Variants in ERN1 observed in about 807,000 individuals in gnomAD.
ERN1 encodes endoplasmic reticulum to nucleus signaling 1, also known as serine/threonine-protein kinase/endoribonuclease IRE1.
A neutral mutation model predicts 113.1 loss-of-function variants in ERN1; 39 were observed. The ratio of observed to expected loss-of-function variants is 0.34; its 90% confidence interval spans 0.27 to 0.45. The LOEUF (loss-of-function observed/expected upper bound fraction) is 0.45. ERN1 is among the 20% of genes least tolerant of loss of function. ERN1 has a pLI of 1.00. For synonymous variants in ERN1, 507 were observed against 515.9 expected (o/e 0.98, Z 0.23); for missense variants, 976 against 1,274.8 (o/e 0.77, Z 3.57).
chr17:64,073,100 G>A (rs748320915), intron 5 of ERN1, among the ~76,000 whole-genome samples: 2 of 151,478 alleles, frequency 1.3e-5, no homozygotes, highest in Non-Finnish European at 2.9e-5. Context: ...CAAACTCCTG[G>A]ACTCAAGTCA....
At chr17:64,050,075 C>A (rs1034478092) in intron 17 of ERN1, among the ~76,000 whole-genome samples, 2 of 152,206 alleles carry the variant, frequency 1.3e-5, no homozygotes, top group East Asian at 3.8e-4. Flanking sequence ...CTTTCATCCC[C>A]AGATGAGAAC....
chr17:64,124,351 A>C (rs1484318141), intron 1 of ERN1, among the ~76,000 whole-genome samples: 3 of 152,214 alleles, frequency 2.0e-5, no homozygotes, highest in South Asian at 2.1e-4. Flanking sequence ...AAACAATCCA[A>C]ATGTCCCTCA....
At chr17:64,109,380 A>T (rs188336202) in intron 1 of ERN1, among the ~76,000 whole-genome samples, 1 of 152,318 alleles carries the variant, frequency 6.6e-6, no homozygotes, top group Non-Finnish European at 1.5e-5. Flanking sequence ...ATTGCTACCT[A>T]CACTGGCCAG....
In ERN1 at chr17:64,092,935, C is replaced by T. The variant is rs189692295; in HGVS notation, c.175+5186G>A. On this transcript the variant is annotated intron_variant, in intron 2 of 21. Coordinates refer to ENST00000433197, the MANE Select transcript of ERN1 (RefSeq NM_001433.5). Reference sequence around the variant, plus strand: ...TCACTGGTGAGGTTTTAGAGAAAGACAGACTACAGCTACAAAATCAGTGCT... The same window carrying T: ...TCACTGGTGAGGTTTTAGAGAAAGATAGACTACAGCTACAAAATCAGTGCT... Among the ~76,000 whole-genome samples, 265 of 152,266 alleles carry T rather than the reference C, an allele frequency of 1.7e-3. 2 individuals are homozygous for T. The highest frequency in any genetic ancestry group is 6.2e-3 in the African/African-American group (257 of 41,562).
intron 4 of ERN1, among the ~76,000 whole-genome samples, chr17:64,076,407 G>T (rs1290267141): frequency 6.6e-6 from 1 of 152,178 alleles, no homozygotes; most frequent in Non-Finnish European, 1.5e-5. Context: ...CAGAGAGGCT[G>T]CAATGACTGG....
In ERN1 at chr17:64,040,849, C is replaced by T. The variant is rs1014386782; in HGVS notation, c.*3139G>A. Reference sequence around the variant, plus strand: ...GTGCCTAATGACTTGTGGAGCACTTCAAAAACTGAGATTAGGCCGGGTGCG... The same window carrying T: ...GTGCCTAATGACTTGTGGAGCACTTTAAAAACTGAGATTAGGCCGGGTGCG... On this transcript the variant is annotated 3_prime_UTR_variant, in exon 22 of 22. Transcript: ENST00000433197. 5 of 152,288 alleles carry T rather than the reference C, an allele frequency of 3.3e-5. No individual in the cohort carries two copies. The highest frequency in any genetic ancestry group is 7.2e-5 in the African/African-American group (3 of 41,560). 9.4% of individuals were successfully genotyped at this position (152,288 alleles called of 1,614,324 possible). A position where few individuals can be genotyped will look rare whatever the true frequency, so the allele number is the denominator to read the frequency against.
At position 64,087,788 on chromosome 17, in the gene ERN1, G is replaced by GAAGAGC. The variant is rs1452189656; in HGVS notation, c.176-6981_176-6980insGCTCTT. ...TGGCCTGTTCCTCCTGCTCTCACCTGTGGCATAATTCTGAAGAGCCTGCTC... is the reference window on the plus strand; with the variant it reads ...TGGCCTGTTCCTCCTGCTCTCACCTGAAGAGCTGGCATAATTCTGAAGAGCCTGCTC... On this transcript the variant is annotated intron_variant, in intron 2 of 21. Coordinates refer to ENST00000433197, the MANE Select transcript of ERN1 (RefSeq NM_001433.5). 5.6e-3 allele frequency among the ~76,000 whole-genome samples: 849 copies of GAAGAGC among 152,270 alleles called. 7 individuals are homozygous for GAAGAGC. Among genetic ancestry groups the GAAGAGC allele is most frequent in the African/African-American group, 0.02 (815 of 41,538 alleles).
rs1567872910 is a variant in ERN1 at position 64,079,684 on chromosome 17, C to T, written c.260G>A (p.Ser87Asn). Residue 87 changes from serine to asparagine, a missense_variant, in exon 4 of 22, where the codon AGC becomes AAC. Ser to Asn is a conservative substitution (Grantham distance 46). Coordinates refer to ENST00000433197, the MANE Select transcript of ERN1 (RefSeq NM_001433.5). ...CACCGTCAGGCCTTCATTATTCTTGCTTCCAAGCGTATACAGGCTGCCATC... is the reference window on the plus strand; with the variant it reads ...CACCGTCAGGCCTTCATTATTCTTGTTTCCAAGCGTATACAGGCTGCCATC... ...PNDGSLYTLG[S>N]KNNEGLTKLP... 2 of 1,613,858 alleles carry T rather than the reference C, an allele frequency of 1.2e-6. No individual in the cohort carries two copies. The highest frequency in any genetic ancestry group is 1.3e-5 in the African/African-American group (1 of 75,038).
intron 7 of ERN1, 59 bp downstream of exon 7, chr17:64,068,131 T>C (rs1191303773): frequency 8.2e-7 from 1 of 1,221,170 alleles, no homozygotes; most frequent in African/African-American, 1.5e-5. Context: ...GGAGCCACTG[T>C]TTCCACATAG....
intron 1 of ERN1, among the ~76,000 whole-genome samples, chr17:64,119,230 A>G (rs1914886776): frequency 6.6e-6 from 1 of 152,110 alleles, no homozygotes; most frequent in Admixed American, 6.5e-5. Context: ...AATATGTTTT[A>G]ATATAAGGCC....
chr17:64,102,356 T>C (rs537081552), intron 1 of ERN1, among the ~76,000 whole-genome samples: 28 of 152,228 alleles, frequency 1.8e-4, no homozygotes, highest in African/African-American at 5.8e-4. Context: ...AAATACAAAG[T>C]TTAGAGAGAA....
chr17:64,128,306 C>T (rs1347877207), intron 1 of ERN1, among the ~76,000 whole-genome samples: 1 of 151,974 alleles, frequency 6.6e-6, no homozygotes, highest in Non-Finnish European at 1.5e-5. Flanking sequence ...CCACCGGGCC[C>T]GGCCTGACCT....
At position 64,043,822 on chromosome 17, in the gene ERN1, T is replaced by C. The variant is rs1407273694; in HGVS notation, c.*166A>G. On this transcript the variant is annotated 3_prime_UTR_variant, in exon 22 of 22. Transcript: ENST00000433197. Reference sequence around the variant, plus strand: ...GGTCACGAGGGGCCACTTCTCCCACTTCCTGGGGTCAGCACTGTCCTCTGT... The same window carrying C: ...GGTCACGAGGGGCCACTTCTCCCACCTCCTGGGGTCAGCACTGTCCTCTGT... 5 of 514,602 alleles carry C rather than the reference T, an allele frequency of 9.7e-6. No homozygotes were observed. The East Asian group carries it at 1.6e-4, about 16-fold the overall frequency. The allele number at this position is 514,602 out of a possible 1,614,324, so 31.9% of individuals were successfully genotyped here.
intron 1 of ERN1, among the ~76,000 whole-genome samples, chr17:64,113,722 C>T (rs1044371202): frequency 8.5e-5 from 13 of 152,124 alleles, no homozygotes; most frequent in South Asian, 4.2e-4. Flanking sequence ...CTCACTCTGT[C>T]GCCCAGGCTG....
At chr17:64,109,386 G>A (rs1223576067) in intron 1 of ERN1, among the ~76,000 whole-genome samples, 1 of 152,128 alleles carries the variant, frequency 6.6e-6, no homozygotes, top group Non-Finnish European at 1.5e-5. Flanking sequence ...ACCTACACTG[G>A]CCAGATGTTG....
chr17:64,079,190 GT>G (rs955941990), intron 4 of ERN1, among the ~76,000 whole-genome samples: 1 of 152,082 alleles, frequency 6.6e-6, no homozygotes. Context: ...TCCTAATGCT[GT>G]TTTTTCGAAT....
chr17:64,103,663 T>C (rs1182067701), intron 1 of ERN1, among the ~76,000 whole-genome samples: 2 of 152,224 alleles, frequency 1.3e-5, no homozygotes, highest in East Asian at 3.8e-4. Flanking sequence ...TTCCCTAATA[T>C]TGTGAATTCA....
chr17:64,091,122 C>T (rs1415390062), intron 2 of ERN1, among the ~76,000 whole-genome samples: 1 of 152,164 alleles, frequency 6.6e-6, no homozygotes, highest in Non-Finnish European at 1.5e-5. Context: ...CAGGTTAGAT[C>T]TATTAACAAA....
At chr17:64,107,942 C>T (rs1038923641) in intron 1 of ERN1, among the ~76,000 whole-genome samples, 5 of 152,200 alleles carry the variant, frequency 3.3e-5, no homozygotes, top group Admixed American at 6.5e-5. Context: ...TCTAACCAGT[C>T]TATCGGCTGT....
Sources: allele counts gnomAD v4.1 joint callset (sites outside exome capture counted in the v4.1 genomes callset), GRCh38; gene constraint gnomAD v4.1.1; transcripts MANE v1.5; gene names NCBI Gene and HGNC (gene_info 2026-07-23, HGNC 2026-07-21).